Variants in PHKB observed in about 807,000 individuals in gnomAD.
PHKB encodes phosphorylase kinase regulatory subunit beta, also known as phosphorylase b kinase regulatory subunit beta.
A neutral mutation model predicts 152.1 loss-of-function variants in PHKB; 122 were observed. That is an observed-to-expected ratio of 0.80 (90% confidence interval 0.69 to 0.93). The LOEUF is 0.93. Ranked by LOEUF, PHKB falls within the 40% of genes least tolerant of loss-of-function variation. The pLI is 0.00. For missense variants in PHKB, 1,304 were observed against 1,328.4 expected (o/e 0.98, Z 0.29); for synonymous variants, 436 against 464.9 (o/e 0.94, Z 0.80).
At chr16:47,662,076 G>A (rs1235876594) in intron 23 of PHKB, among the ~76,000 whole-genome samples, 2 of 152,140 alleles carry the variant, frequency 1.3e-5, no homozygotes, top group Non-Finnish European at 2.9e-5. Context: ...GACTGTTAAC[G>A]TCTGATGAAT....
intron 6 of PHKB, among the ~76,000 whole-genome samples, chr16:47,531,833 A>T (rs1970866553): frequency 6.6e-6 from 1 of 152,204 alleles, no homozygotes; most frequent in East Asian, 1.9e-4. Flanking sequence ...ATTTTAGGAG[A>T]GCATATGTTT....
At chr16:47,482,549 A>G (rs1037416312) in intron 1 of PHKB, among the ~76,000 whole-genome samples, 1 of 152,230 alleles carries the variant, frequency 6.6e-6, no homozygotes, top group Non-Finnish European at 1.5e-5. Flanking sequence ...AGACAAGAAT[A>G]TAGAACAGGC....
rs745518758 is a variant in PHKB at position 47,696,453 on chromosome 16, A to G, written c.2968A>G (p.Ile990Val). 1.9e-6 allele frequency: 3 copies of G among 1,605,782 alleles called. No homozygotes were observed. The South Asian group carries it at 3.3e-5, about 18-fold the overall frequency. The change falls in exon 29 of 31, where the codon ATT becomes GTT. Residue 990 changes from isoleucine to valine, a missense_variant. Ile to Val is a conservative substitution (Grantham distance 29, BLOSUM62 3). Transcript: ENST00000323584. ...SLLVEDTLGN[I>V]DQPQYRQIVV... ...CCTTGTTGAAGACACGTTGGGAAATATTGACCAGCCACAGTACAGACAGAT... is the reference window on the plus strand; with the variant it reads ...CCTTGTTGAAGACACGTTGGGAAATGTTGACCAGCCACAGTACAGACAGAT...
At chr16:47,561,341 A>C (rs1341595072) in intron 7 of PHKB, 1 of 152,214 alleles carries the variant, frequency 6.6e-6, no homozygotes, top group Non-Finnish European at 1.5e-5. Flanking sequence ...GGCTTGGATT[A>C]AAGAGGTTGC....
intron 13 of PHKB, among the ~76,000 whole-genome samples, chr16:47,603,061 A>G (rs1272891108): frequency 2.0e-5 from 3 of 152,198 alleles, no homozygotes; most frequent in African/African-American, 7.2e-5. Flanking sequence ...ATTGATCTCA[A>G]ATATAAAAGC....
intron 26 of PHKB, among the ~76,000 whole-genome samples, chr16:47,681,162 C>G (rs961153199): frequency 9.9e-5 from 15 of 152,246 alleles, no homozygotes; most frequent in African/African-American, 3.6e-4. Flanking sequence ...TGTTCTTTTA[C>G]ATTTGCTGAG....
At chr16:47,490,238 C>G (rs1206278848) in intron 1 of PHKB, among the ~76,000 whole-genome samples, 1 of 152,110 alleles carries the variant, frequency 6.6e-6, no homozygotes, top group Non-Finnish European at 1.5e-5. Flanking sequence ...TTGAGAGCAC[C>G]TGTCAAAGTT....
In PHKB at chr16:47,699,977, A is replaced by G. The variant is rs1391139470; in HGVS notation, c.*611A>G. On this transcript the variant is annotated 3_prime_UTR_variant, in exon 31 of 31. Coordinates refer to ENST00000323584, the MANE Select transcript of PHKB (RefSeq NM_000293.3). ...CTAAATATAGGGGTTGGACTAAAATATAATAAATCTGTACCTTATCAAACA... is the reference window on the plus strand; with the variant it reads ...CTAAATATAGGGGTTGGACTAAAATGTAATAAATCTGTACCTTATCAAACA... The G allele has an allele frequency of 6.4e-6, 1 of 157,026 alleles. No individual in the cohort carries two copies. The highest frequency in any genetic ancestry group is 2.5e-5 in the African/African-American group (1 of 40,370). The allele number at this position is 157,026 out of a possible 1,614,324, so 9.7% of individuals were successfully genotyped here.
rs756233223 is a variant in PHKB, at chr16:47,664,903, G to T, written c.2355G>T (p.Gly785=). 9 of 1,613,522 alleles carry T rather than the reference G, an allele frequency of 5.6e-6. No individual in the cohort carries two copies. The highest frequency in any genetic ancestry group is 6.8e-6 in the Non-Finnish European group (8 of 1,179,662). Residue 785 remains glycine, a synonymous_variant, in exon 25 of 31, where the codon GGG becomes GGT. Coordinates refer to ENST00000323584, the MANE Select transcript of PHKB (RefSeq NM_000293.3). Reference sequence around the variant, plus strand: ...CACCCAGGTTGGCGGTGCGCTACGGGGCTGCATTTACCCAGAAATTTTCTT... The same window carrying T: ...CACCCAGGTTGGCGGTGCGCTACGGTGCTGCATTTACCCAGAAATTTTCTT... ...SQKLWLAVRY[G]AAFTQKFSSS... is the part of the protein sequence containing the mutation.
intron 14 of PHKB, among the ~76,000 whole-genome samples, chr16:47,624,881 TCTC>T (rs1187471579): frequency 6.6e-6 from 1 of 152,168 alleles, no homozygotes; most frequent in African/African-American, 2.4e-5. Flanking sequence ...AAGTTATTAA[TCTC>T]CTCCTAATTT....
intron 20 of PHKB, 113 bp downstream of exon 20, chr16:47,651,034 C>A: frequency 1.3e-6 from 1 of 781,640 alleles, no homozygotes; most frequent in Non-Finnish European, 2.2e-6. Context: ...TTTTATTCTC[C>A]ACCTATCTTC....
At chr16:47,683,758 T>G (rs891333275) in intron 26 of PHKB, among the ~76,000 whole-genome samples, 10 of 152,252 alleles carry the variant, frequency 6.6e-5, no homozygotes, top group African/African-American at 2.2e-4. Flanking sequence ...CACGGTGCAC[T>G]TCACCCACTG....
intron 19 of PHKB, 67 bp from the exon 20 acceptor site, chr16:47,650,764 T>G: frequency 7.7e-7 from 1 of 1,298,474 alleles, no homozygotes; most frequent in Non-Finnish European, 1.1e-6. Context: ...AAGGGGCACT[T>G]AGTATTAGAT....
chr16:47,477,535 G>GT (rs2151631805), intron 1 of PHKB, among the ~76,000 whole-genome samples: 1 of 151,988 alleles, frequency 6.6e-6, no homozygotes, highest in East Asian at 1.9e-4. Context: ...TATTTTCATA[G>GT]TAAAAAAAAG....
chr16:47,597,757 C>T (rs1972148571), intron 13 of PHKB: 1 of 147,576 alleles, frequency 6.8e-6, no homozygotes, highest in African/African-American at 2.5e-5. Context: ...TAAGCCTATC[C>T]GTATGCCAGA....
chr16:47,614,407 G>T (rs551847175), intron 14 of PHKB, among the ~76,000 whole-genome samples: 34 of 152,148 alleles, frequency 2.2e-4, no homozygotes, highest in Non-Finnish European at 4.1e-4. Flanking sequence ...GCCATGGTAT[G>T]GTGGTACCTT....
chr16:47,675,192 T>C (rs939432166), intron 26 of PHKB, among the ~76,000 whole-genome samples: 13 of 152,192 alleles, frequency 8.5e-5, no homozygotes, highest in African/African-American at 3.1e-4. Context: ...AACCAGGATT[T>C]GGAACTAGTG....
intron 1 of PHKB, among the ~76,000 whole-genome samples, chr16:47,477,293 T>C (rs1210947727): frequency 6.6e-6 from 1 of 152,196 alleles, no homozygotes; most frequent in Non-Finnish European, 1.5e-5. Flanking sequence ...CTTCAGGTCA[T>C]GGACAAGATT....
At position 47,664,914 on chromosome 16, in the gene PHKB, C is replaced by T. The variant is rs749566044; in HGVS notation, c.2366C>T (p.Thr789Ile). ...GCGGTGCGCTACGGGGCTGCATTTA[C>T]CCAGAAATTTTCTTCCTCTATAGCC... ...WLAVRYGAAFTQKFSSSIAPH... is the reference protein window; with the variant it reads ...WLAVRYGAAFIQKFSSSIAPH... The change falls in exon 25 of 31, where the codon ACC (threonine) becomes ATC (isoleucine). Residue 789 changes from threonine (T) to isoleucine (I), a missense_variant. Physicochemically the swap from Thr to Ile is moderately conservative, Grantham distance 89. Transcript: ENST00000323584. The T allele has an allele frequency of 6.2e-7, 1 of 1,613,726 alleles. No homozygotes were observed. The highest frequency in any genetic ancestry group is 2.2e-5 in the East Asian group (1 of 44,876).
Sources: gnomAD v4.1 joint callset for allele counts (sites outside exome capture counted in the v4.1 genomes callset) on GRCh38, gnomAD v4.1.1 for gene constraint, MANE v1.5 for transcripts, NCBI Gene and HGNC (gene_info 2026-07-23, HGNC 2026-07-21) for gene names.